Variants in NCKAP5 observed in about 807,000 individuals in gnomAD.
The protein encoded by NCKAP5 is NCK associated protein 5.
Under a neutral mutation model 167.0 loss-of-function variants are expected in NCKAP5, and 92 were observed. That is an observed-to-expected ratio of 0.55 (90% CI 0.47 to 0.66). The LOEUF (loss-of-function observed/expected upper bound fraction) is 0.66, where lower values mean the gene tolerates loss of function less well. NCKAP5 is among the 30% of genes least tolerant of loss of function. NCKAP5 has a pLI of 0.00. For synonymous variants in NCKAP5, 891 were observed against 877.4 expected (o/e 1.02, Z -0.27); for missense variants, 2,378 against 2,315.0 (o/e 1.03, Z -0.56).
intron 3 of NCKAP5, among the ~76,000 whole-genome samples, chr2:133,332,959 G>A (rs898716939): frequency 1.3e-5 from 2 of 152,204 alleles, no homozygotes; most frequent in East Asian, 1.9e-4. Context: ...TTTTCCAAAA[G>A]GTTCTCTCTG....
chr2:133,227,125 A>G (rs2086928251), intron 4 of NCKAP5, among the ~76,000 whole-genome samples: 1 of 152,194 alleles, frequency 6.6e-6, no homozygotes, highest in South Asian at 2.1e-4. Flanking sequence ...TCAAATATGA[A>G]AATTTATAAC....
intron 6 of NCKAP5, among the ~76,000 whole-genome samples, chr2:133,002,619 T>C (rs1276840722): frequency 6.6e-6 from 1 of 152,206 alleles, no homozygotes; most frequent in African/African-American, 2.4e-5. Context: ...CACTGGGTAC[T>C]CTCAATTCCA....
Position 132,783,672 on chromosome 2 carries a change from T to G in NCKAP5, c.3139A>C (p.Lys1047Gln). The G allele has an allele frequency of 6.2e-7, 1 of 1,613,860 alleles. No homozygotes were observed. Among genetic ancestry groups the G allele is most frequent in the Non-Finnish European group, 8.5e-7 (1 of 1,179,872 alleles). ...PKVSPKRGVP[K>Q]TSPRQTLGTP... ...CCAAGTGTTTGGCGAGGAGAGGTTT[T>G]GGGGACACCTCTCTTCGGAGAGACC... The change falls in exon 14 of 20, where the codon AAA becomes CAA. Residue 1047 changes from lysine (K) to glutamine (Q), a missense_variant. This residue lies in a region of NCKAP5 where 1,325 missense variants were observed against 1,274.5 expected (regional missense o/e 1.04). Transcript: ENST00000409261.
At chr2:133,462,373 G>C (rs1358285415) in intron 3 of NCKAP5, among the ~76,000 whole-genome samples, 2 of 152,100 alleles carry the variant, frequency 1.3e-5, no homozygotes, top group African/African-American at 4.8e-5. Context: ...CTAAATCTTG[G>C]CTTCTACAGA....
chr2:133,175,451 T>C (rs941828979), intron 5 of NCKAP5, among the ~76,000 whole-genome samples: 4 of 152,200 alleles, frequency 2.6e-5, no homozygotes, highest in Admixed American at 2.0e-4. Flanking sequence ...AATCCAGCTA[T>C]GTTTTCTTTG....
intron 3 of NCKAP5, among the ~76,000 whole-genome samples, chr2:133,344,324 T>C (rs1395147922): frequency 6.6e-6 from 1 of 151,622 alleles, no homozygotes; most frequent in African/African-American, 2.4e-5. Flanking sequence ...GGGAGAATTT[T>C]TTGAACCTGG....
chr2:132,794,566 G>A (rs1202011601), intron 12 of NCKAP5, among the ~76,000 whole-genome samples: 3 of 151,324 alleles, frequency 2.0e-5, no homozygotes, highest in Non-Finnish European at 4.4e-5. Context: ...AATCAGGGAG[G>A]TGGAGGTTGC....
At chr2:133,360,555 T>A (rs1685029520) in intron 3 of NCKAP5, among the ~76,000 whole-genome samples, 1 of 152,094 alleles carries the variant, frequency 6.6e-6, no homozygotes, top group African/African-American at 2.4e-5. Context: ...AGGACTCCAA[T>A]TCAGTCGACT....
At chr2:133,441,016 T>G (rs1160098401) in intron 3 of NCKAP5, among the ~76,000 whole-genome samples, 1 of 152,110 alleles carries the variant, frequency 6.6e-6, no homozygotes, top group African/African-American at 2.4e-5. Flanking sequence ...TAATACATGT[T>G]CTTGCCTTTA....
At chr2:132,794,313 C>T (rs1319630655) in intron 12 of NCKAP5, among the ~76,000 whole-genome samples, 3 of 47,788 alleles carry the variant, frequency 6.3e-5, no homozygotes, top group Admixed American at 2.3e-4. Flanking sequence ...GAGAGGGTGG[C>T]GGGAAGAGAG....
chr2:132,733,320 G>A (rs1301528028), intron 16 of NCKAP5, among the ~76,000 whole-genome samples: 1 of 152,192 alleles, frequency 6.6e-6, no homozygotes, highest in Non-Finnish European at 1.5e-5. Flanking sequence ...TTAGCACTGT[G>A]TTAGGCATGG....
chr2:132,706,883 C>T (rs1688405462), intron 19 of NCKAP5, among the ~76,000 whole-genome samples: 1 of 152,076 alleles, frequency 6.6e-6, no homozygotes, highest in South Asian at 2.1e-4. Context: ...AAAAGAATGG[C>T]ATATTATGGC....
chr2:133,657,865 TG>T, the NCKAP5 span, among the ~76,000 whole-genome samples: 1 of 152,114 alleles, frequency 6.6e-6, no homozygotes, highest in Admixed American at 6.5e-5. Context: ...TTCATCCCCC[TG>T]GGGGTTAGTA....
rs763671619 is a variant in NCKAP5, at chr2:132,783,159, T to C, written c.3652A>G (p.Ser1218Gly). The change falls in exon 14 of 20, where the codon AGT becomes GGT. Residue 1218 changes from serine to glycine, a missense_variant. Transcript: ENST00000409261. Reference sequence around the variant, plus strand: ...TCCAGGGGAAGCCCATCAGCTAAACTGCCCTGTGCTTGTGAATCCGGTAGG... The same window carrying C: ...TCCAGGGGAAGCCCATCAGCTAAACCGCCCTGTGCTTGTGAATCCGGTAGG... ...VTLPDSQAQG[S>G]LADGLPLETA... 6.2e-7 allele frequency: 1 copy of C among 1,613,658 alleles called. No individual in the cohort carries two copies. Among genetic ancestry groups the C allele is most frequent in the South Asian group, 1.1e-5 (1 of 90,998 alleles).
intron 12 of NCKAP5, among the ~76,000 whole-genome samples, chr2:132,791,172 T>C (rs1684037337): frequency 6.6e-6 from 1 of 152,220 alleles, no homozygotes; most frequent in Non-Finnish European, 1.5e-5. Flanking sequence ...CTGGTTCTGA[T>C]GGCATCATAC....
At chr2:132,826,322 T>C (rs188918961) in intron 11 of NCKAP5, among the ~76,000 whole-genome samples, 1 of 152,344 alleles carries the variant, frequency 6.6e-6, no homozygotes, top group African/African-American at 2.4e-5. Context: ...TCATTTAATT[T>C]TATGTATTCT....
chr2:133,140,367 C>T (rs2082950268), intron 5 of NCKAP5, among the ~76,000 whole-genome samples: 2 of 152,080 alleles, frequency 1.3e-5, no homozygotes, highest in African/African-American at 4.8e-5. Context: ...CCCCATTTTA[C>T]CCCCAACTCT....
intron 3 of NCKAP5, among the ~76,000 whole-genome samples, chr2:133,358,031 C>G (rs993422254): frequency 1.3e-4 from 20 of 152,204 alleles, no homozygotes; most frequent in African/African-American, 4.8e-4. Context: ...CCTCACCTGT[C>G]TTCCCCTTGT....
chr2:133,403,388 TG>T, intron 3 of NCKAP5, among the ~76,000 whole-genome samples: 1 of 152,360 alleles, frequency 6.6e-6, no homozygotes, highest in South Asian at 2.1e-4. Flanking sequence ...AAATGGCCTG[TG>T]GCAGATATGC....
Sources: gnomAD v4.1 joint callset for allele counts (sites outside exome capture counted in the v4.1 genomes callset) on GRCh38, gnomAD v4.1.1 for gene constraint, gnomAD v4.1.1 regional missense constraint, MANE v1.5 for transcripts, NCBI Gene and HGNC (gene_info 2026-07-23, HGNC 2026-07-21) for gene names.